Variants in FAAP24 observed in about 807,000 individuals in gnomAD.
FAAP24 encodes the protein FA core complex associated protein 24, also known as Fanconi anemia core complex-associated protein 24.
In FAAP24, 16 loss-of-function variants were observed where a neutral mutation model predicts 14.3. That is an observed-to-expected ratio of 1.12 (90% confidence interval 0.76 to 1.69). FAAP24 has a LOEUF of 1.69. Among genes scored for constraint, FAAP24 ranks in the 40% most tolerant of loss-of-function variants. The pLI is 0.00. For missense variants in FAAP24, 234 were observed against 262.7 expected, an observed-to-expected ratio of 0.89 and a Z score of 0.75; for synonymous variants, 111 against 106.2, an observed-to-expected ratio of 1.04 and a Z score of -0.28.
intron 3 of FAAP24, 84 bp from the exon 4 acceptor site, chr19:32,973,976 C>A: frequency 7.4e-7 from 1 of 1,344,782 alleles, no homozygotes; most frequent in Non-Finnish European, 1.1e-6. Context: ...AAATCATTGG[C>A]CAGGTCAGGC....
At position 32,974,070 on chromosome 19, in the gene FAAP24, T is replaced by G. The variant is rs1250315906; in HGVS notation, c.254T>G (p.Leu85Arg). 3 of 1,613,162 alleles carry G rather than the reference T, an allele frequency of 1.9e-6. No homozygotes were observed. The South Asian group carries it at 3.3e-5, about 18-fold the overall frequency. Reference protein sequence around the residue: ...RLVRVRNSNNLKGIVVVEKTR... With the variant: ...RLVRVRNSNNRKGIVVVEKTR... ...TTTTTTCCTTTCAAGTCCAATAATC[T>G]TAAAGGAATTGTAGTCGTTGAAAAA... is the stretch of plus-strand genomic sequence containing the variant. The change falls in exon 4 of 5, where the codon CTT (leucine) becomes CGT (arginine). Residue 85 changes from leucine to arginine, a missense_variant. By Grantham distance (102) the Leu-to-Arg change is moderately radical. Coordinates refer to ENST00000588258, the MANE Select transcript of FAAP24 (RefSeq NM_152266.5).
At position 32,976,609 on chromosome 19, in the gene FAAP24, T is replaced by C. The variant is rs3816032; in HGVS notation, c.575T>C (p.Ile192Thr). The change falls in exon 5 of 5, where the codon ATT becomes ACT. Residue 192 changes from isoleucine to threonine, a missense_variant. Coordinates refer to ENST00000588258, the MANE Select transcript of FAAP24 (RefSeq NM_152266.5). Reference sequence around the variant, plus strand: ...ATCCAGCAACTGAGTAATGCTTCCATTGGGGAACTGGAGCAGGTGGTCGGA... The same window carrying C: ...ATCCAGCAACTGAGTAATGCTTCCACTGGGGAACTGGAGCAGGTGGTCGGA... ...PSIQQLSNAS[I>T]GELEQVVGQA... The C allele has an allele frequency of 0.13, 208,855 of 1,613,984 alleles. 16,103 individuals are homozygous for C. The highest frequency in any genetic ancestry group is 0.29 in the East Asian group (13,109 of 44,854).
Position 32,977,788 on chromosome 19 carries a change from A to G in FAAP24, c.*1106A>G, listed in dbSNP as rs189821369. 2.5e-3 allele frequency: 451 copies of G among 183,638 alleles called. 3 individuals are homozygous for G. The highest frequency in any genetic ancestry group is 9.6e-3 in the African/African-American group (412 of 42,846). 11.4% of individuals were successfully genotyped at this position (183,638 alleles called of 1,614,324 possible). The stretch of plus-strand genomic sequence containing the variant: ...ACAAAAATTAGCTGGGTGTGGTGGC[A>G]CACACCTGTAATCCCAACTACTCAG... On this transcript the variant is annotated 3_prime_UTR_variant, in exon 5 of 5. Coordinates refer to ENST00000588258, the MANE Select transcript of FAAP24 (RefSeq NM_152266.5).
Position 32,974,096 on chromosome 19 carries a change from A to T in FAAP24, c.280A>T (p.Thr94Ser), listed in dbSNP as rs1020855537. ...NLKGIVVVEKTRMSEQYFPAL... is the reference protein window; with the variant it reads ...NLKGIVVVEKSRMSEQYFPAL... The stretch of plus-strand genomic sequence containing the variant: ...TAAAGGAATTGTAGTCGTTGAAAAA[A>T]CCCGGATGAGTGAACAATACTTCCC... Residue 94 changes from threonine (T) to serine (S), a missense_variant, in exon 4 of 5, where the codon ACC (threonine) becomes TCC (serine). Coordinates refer to ENST00000588258, the MANE Select transcript of FAAP24 (RefSeq NM_152266.5). 8.1e-6 allele frequency: 13 copies of T among 1,613,914 alleles called. No homozygotes were observed. The highest frequency in any genetic ancestry group is 1.1e-5 in the Non-Finnish European group (13 of 1,180,020).
chr19:32,974,581 C>T lies in FAAP24; in HGVS notation c.396+369C>T, dbSNP rs1246024064. Among the ~76,000 whole-genome samples, 5 of 151,878 alleles carry T rather than the reference C, an allele frequency of 3.3e-5. No homozygotes were observed. The East Asian group carries it at 7.8e-4, about 24-fold the overall frequency. On this transcript the variant is annotated intron_variant, in intron 4 of 4. Coordinates refer to ENST00000588258, the MANE Select transcript of FAAP24 (RefSeq NM_152266.5). ...GGAGGATCACTTGAGGCCAGCAGTT[C>T]GAGACCAGCCTGGCCAACATGGCAA... is the stretch of plus-strand genomic sequence containing the variant.
At chr19:32,973,656 A>AC (rs1971476829) in intron 3 of FAAP24, 94 bp downstream of exon 3, 1 of 1,328,986 alleles carries the variant, frequency 7.5e-7, no homozygotes, top group African/African-American at 1.5e-5. Context: ...GTAGTTGGAG[A>AC]CCAGCCTGGC....
intron 3 of FAAP24, 118 bp from the exon 4 acceptor site, chr19:32,973,942 C>A (rs1599797777): frequency 1.1e-6 from 1 of 942,680 alleles, no homozygotes; most frequent in Non-Finnish European, 1.7e-6. Context: ...ACCCTTCCCT[C>A]CATCCCTTGG....
Position 32,978,058 on chromosome 19 carries a change from G to A in FAAP24, c.*1376G>A, listed in dbSNP as rs745312207. ...GCTGCATCTAGTGAGGGAAGCAGGG[G>A]CTGGGGATCAAAAGGTACAAATTGC... On this transcript the variant is annotated 3_prime_UTR_variant, in exon 5 of 5. Transcript: ENST00000588258. 6.6e-6 allele frequency: 1 copy of A among 152,086 alleles called. No homozygotes were observed. Among genetic ancestry groups the A allele is most frequent in the Non-Finnish European group, 1.5e-5 (1 of 68,148 alleles). The allele number at this position is 152,086 out of a possible 1,614,324, so 9.4% of individuals were successfully genotyped here. A position where few individuals can be genotyped will look rare whatever the true frequency, so the allele number is the denominator to read the frequency against.
At position 32,972,262 on chromosome 19, in the gene FAAP24, G is replaced by A. The variant is rs1398073448; in HGVS notation, c.-98G>A. ...AGGGCGTGAACCCGGAAGGTGGCGC[G>A]GCCACCAGTAACATGATCTCTAGAC... On this transcript the variant is annotated 5_prime_UTR_variant, in exon 1 of 5. Coordinates refer to ENST00000588258, the MANE Select transcript of FAAP24 (RefSeq NM_152266.5). 6 of 455,328 alleles carry A rather than the reference G, an allele frequency of 1.3e-5. No individual in the cohort carries two copies. The highest frequency in any genetic ancestry group is 5.9e-5 in the African/African-American group (3 of 51,172). 28.2% of individuals were successfully genotyped at this position (455,328 alleles called of 1,614,324 possible).
Position 32,976,924 on chromosome 19 carries a change from C to G in FAAP24, c.*242C>G. ...GGCATGGTGACAGGTGCCTGTAATC[C>G]CAGCTACTTGGGAGGCCGAGGCATG... On this transcript the variant is annotated 3_prime_UTR_variant, in exon 5 of 5. Transcript: ENST00000588258. 1 of 554,714 alleles carries G rather than the reference C, an allele frequency of 1.8e-6. No individual in the cohort carries two copies. The highest frequency in any genetic ancestry group is 3.1e-6 in the Non-Finnish European group (1 of 317,954). 34.4% of individuals were successfully genotyped at this position (554,714 alleles called of 1,614,324 possible).
chr19:32,976,655 C>A lies in FAAP24; in HGVS notation c.621C>A (p.Ile207=). ...TCGGACAAGCAGTGGCACAGCAGAT[C>A]CATGCCTTCTTCACGCAGCCCAGGT... ...QVVGQAVAQQ[I]HAFFTQPR Residue 207 remains isoleucine, a synonymous_variant, in exon 5 of 5, where the codon ATC becomes ATA. Coordinates refer to ENST00000588258, the MANE Select transcript of FAAP24 (RefSeq NM_152266.5). 6.2e-7 allele frequency: 1 copy of A among 1,614,188 alleles called. No homozygotes were observed. Among genetic ancestry groups the A allele is most frequent in the African/African-American group, 1.3e-5 (1 of 75,054 alleles).
Position 32,976,808 on chromosome 19 carries a change from G to A in FAAP24, c.*126G>A. 3 of 1,252,260 alleles carry A rather than the reference G, an allele frequency of 2.4e-6. No homozygotes were observed. The highest frequency in any genetic ancestry group is 1.5e-5 in the South Asian group (1 of 68,596). 77.6% of individuals were successfully genotyped at this position (1,252,260 alleles called of 1,614,324 possible). On this transcript the variant is annotated 3_prime_UTR_variant, in exon 5 of 5. Transcript: ENST00000588258. The stretch of plus-strand genomic sequence containing the variant: ...CACGCCTCTAATCTCAGCACTTTGG[G>A]AGGCCGAAGACAGCGGATCATCTGA...
chr19:32,974,070 T>C lies in FAAP24; in HGVS notation c.254T>C (p.Leu85Pro), dbSNP rs1250315906. Residue 85 changes from leucine to proline, a missense_variant, in exon 4 of 5, where the codon CTT becomes CCT. Coordinates refer to ENST00000588258, the MANE Select transcript of FAAP24 (RefSeq NM_152266.5). ...RLVRVRNSNN[L>P]KGIVVVEKTR... ...TTTTTTCCTTTCAAGTCCAATAATCTTAAAGGAATTGTAGTCGTTGAAAAA... is the reference window on the plus strand; with the variant it reads ...TTTTTTCCTTTCAAGTCCAATAATCCTAAAGGAATTGTAGTCGTTGAAAAA... 1 of 1,613,162 alleles carries C rather than the reference T, an allele frequency of 6.2e-7. No individual in the cohort carries two copies. The highest frequency in any genetic ancestry group is 1.3e-5 in the African/African-American group (1 of 74,894).
In FAAP24 at chr19:32,975,197, T is replaced by C. The variant is rs369742958; in HGVS notation, c.396+985T>C. 2.4e-3 allele frequency among the ~76,000 whole-genome samples: 358 copies of C among 148,474 alleles called. 2 individuals are homozygous for C. Among genetic ancestry groups the C allele is most frequent in the African/African-American group, 8.5e-3 (340 of 39,930 alleles). ...AGTTTTTTTTTTTTTTTAGATAGGG[T>C]CTTGCTCTGTCATTCCAGCTGGAGT... On this transcript the variant is annotated intron_variant, in intron 4 of 4. Coordinates refer to ENST00000588258, the MANE Select transcript of FAAP24 (RefSeq NM_152266.5).
In FAAP24 at chr19:32,974,881, TTCC is replaced by T. The variant is rs570151924; in HGVS notation, c.396+670_396+672del. On this transcript the variant is annotated intron_variant, in intron 4 of 4. Transcript: ENST00000588258. Reference sequence around the variant, plus strand: ...AGCACCTTGTGCAAGTTTTTTTTTTTTCCCTTTTTTTTGAGGCGGAGTCTCGCT... The same window carrying T: ...AGCACCTTGTGCAAGTTTTTTTTTTTCTTTTTTTTGAGGCGGAGTCTCGCT... Among the ~76,000 whole-genome samples the T allele has an allele frequency of 3.5e-3, 468 of 133,442 alleles. 4 individuals are homozygous for T. Among genetic ancestry groups the T allele is most frequent in the African/African-American group, 0.012 (435 of 36,864 alleles). The allele number at this position is 133,442 out of a possible 152,430, so 87.5% of individuals were successfully genotyped here. A position where few individuals can be genotyped will look rare whatever the true frequency, so the allele number is the denominator to read the frequency against.
rs376895085 is a variant in FAAP24, at chr19:32,976,787, C to T, written c.*105C>T. 4.2e-6 allele frequency: 6 copies of T among 1,421,890 alleles called. No homozygotes were observed. Among genetic ancestry groups the T allele is most frequent in the African/African-American group, 2.9e-5 (2 of 70,156 alleles). The allele number at this position is 1,421,890 out of a possible 1,614,324, so 88.1% of individuals were successfully genotyped here. On this transcript the variant is annotated 3_prime_UTR_variant, in exon 5 of 5. Coordinates refer to ENST00000588258, the MANE Select transcript of FAAP24 (RefSeq NM_152266.5). ...AATGGGCCGGGTGCACTGGCTCACG[C>T]CTCTAATCTCAGCACTTTGGGAGGC...
In FAAP24 at chr19:32,977,649, A is replaced by G. The variant is rs561303537; in HGVS notation, c.*967A>G. ...AGTTGAAAACTCAACGGCCGGGCAT[A>G]GTGGCTCACACCTGTAATCCCAGCA... On this transcript the variant is annotated 3_prime_UTR_variant, in exon 5 of 5. Transcript: ENST00000588258. The G allele has an allele frequency of 1.3e-5, 5 of 386,092 alleles. No individual in the cohort carries two copies. Among genetic ancestry groups the G allele is most frequent in the East Asian group, 3.7e-5 (1 of 27,044 alleles). 23.9% of individuals were successfully genotyped at this position (386,092 alleles called of 1,614,324 possible).
chr19:32,974,564 A>G (rs1025824526), intron 4 of FAAP24, among the ~76,000 whole-genome samples: 1 of 152,092 alleles, frequency 6.6e-6, no homozygotes, highest in Non-Finnish European at 1.5e-5. Context: ...CGGGAGGATC[A>G]CTTGAGGCCA....
intron 1 of FAAP24, 175 bp downstream of exon 1, chr19:32,972,521 C>T: frequency 5.1e-6 from 2 of 388,436 alleles, no homozygotes; most frequent in Non-Finnish European, 9.1e-6. Context: ...AAGCGATCCT[C>T]ACGCCTCAGC....
Sources: allele counts gnomAD v4.1 joint callset (sites outside exome capture counted in the v4.1 genomes callset), GRCh38; gene constraint gnomAD v4.1.1; transcripts MANE v1.5; gene names NCBI Gene and HGNC (gene_info 2026-07-23, HGNC 2026-07-21).